Variants in MGST1 observed in about 807,000 individuals in gnomAD.
The protein encoded by MGST1 is glutathione S-transferase 12.
MGST1 carries 5 observed loss-of-function variants against 8.9 expected under a neutral mutation model. The ratio of observed to expected loss-of-function variants is 0.56; its 90% CI spans 0.29 to 1.19. The LOEUF (loss-of-function observed/expected upper bound fraction) is 1.19, where lower values mean the gene tolerates loss of function less well. Ranked by LOEUF, MGST1 falls within the 50% of genes most tolerant of loss-of-function variation. The pLI, the probability that MGST1 is intolerant of heterozygous loss-of-function variation, is 0.08. For missense variants in MGST1, 182 were observed against 187.4 expected (o/e 0.97, Z 0.17); for synonymous variants, 54 against 67.8 (o/e 0.80, Z 1.00).
intron 4 of MGST1, among the ~76,000 whole-genome samples, chr12:16,554,994 A>T (rs1231994154): frequency 6.6e-6 from 1 of 152,162 alleles, no homozygotes; most frequent in Non-Finnish European, 1.5e-5. Context: ...ACTTTCTTCT[A>T]ACTGTAATCT....
intron 4 of MGST1, among the ~76,000 whole-genome samples, chr12:16,506,142 A>T (rs1941536813): frequency 6.6e-6 from 1 of 152,154 alleles, no homozygotes; most frequent in Non-Finnish European, 1.5e-5. Context: ...TTATAGTTTC[A>T]TGGGTGTTGG....
chr12:16,479,676 G>A (rs1941352028), intron 4 of MGST1, among the ~76,000 whole-genome samples: 1 of 151,832 alleles, frequency 6.6e-6, no homozygotes, highest in South Asian at 2.1e-4. Context: ...TGGGACTACA[G>A]GTGCATGCCA....
At chr12:16,466,330 A>G (rs1279046220) in intron 4 of MGST1, among the ~76,000 whole-genome samples, 2 of 152,134 alleles carry the variant, frequency 1.3e-5, no homozygotes, top group Non-Finnish European at 2.9e-5. Flanking sequence ...CTCTCTCAGG[A>G]TTCTGAAATT....
At position 16,504,479 on chromosome 12, in the gene MGST1, C is replaced by G. The variant is rs1039046064; in HGVS notation, n.483-85049C>G. On this transcript the variant is annotated intron_variant and non_coding_transcript_variant, in intron 4 of 4. Transcript: ENST00000538857. Reference sequence around the variant, plus strand: ...TTTTCCTTTTCTAGCTTTCTCTTTCCTTTTAATTTGCTCTATGTTCTCATT... The same window carrying G: ...TTTTCCTTTTCTAGCTTTCTCTTTCGTTTTAATTTGCTCTATGTTCTCATT... Among the ~76,000 whole-genome samples the G allele has an allele frequency of 2.2e-4, 34 of 151,942 alleles. 1 individual carries two copies. Among genetic ancestry groups the G allele is most frequent in the South Asian group, 2.1e-4 (1 of 4,824 alleles).
downstream of MGST1, chr12:16,364,549 TTC>T (rs1020054060): frequency 2.8e-5 from 8 of 282,034 alleles, no homozygotes; most frequent in East Asian, 1.7e-4. The surrounding 1 kb of genome is among the most constrained non-coding windows in gnomAD (Gnocchi z 5.7). Context: ...TTTGCTTTCC[TTC>T]TCTCTCTGTT....
At chr12:16,470,613 T>G (rs1288861029) in intron 4 of MGST1, among the ~76,000 whole-genome samples, 1 of 152,176 alleles carries the variant, frequency 6.6e-6, no homozygotes, top group Non-Finnish European at 1.5e-5. Context: ...CTTGTACCAG[T>G]ATAGATATGA....
At chr12:16,446,565 T>G (rs1470296981) in intron 4 of MGST1, among the ~76,000 whole-genome samples, 3 of 152,078 alleles carry the variant, frequency 2.0e-5, no homozygotes, top group African/African-American at 7.2e-5. Context: ...CAGAAAGTTA[T>G]GCCTCCCTCC....
chr12:16,400,310 C>T, intron 1 of MGST1: 2 of 799,080 alleles, frequency 2.5e-6, no homozygotes, highest in Non-Finnish European at 4.5e-6. Context: ...TGGAATGAAG[C>T]ATGCTTAATA....
intron 4 of MGST1, among the ~76,000 whole-genome samples, chr12:16,476,504 C>A (rs1355170349): frequency 6.6e-6 from 1 of 152,126 alleles, no homozygotes; most frequent in African/African-American, 2.4e-5. Flanking sequence ...GCTGGATAAA[C>A]AAAGATGACC....
At position 16,513,891 on chromosome 12, in the gene MGST1, G is replaced by C. The variant is rs1941593876; in HGVS notation, n.483-75637G>C. On this transcript the variant is annotated intron_variant and non_coding_transcript_variant, in intron 4 of 4. Coordinates refer to the MGST1 transcript ENST00000538857. This position sits in a 1 kb window ranked among gnomAD's most constrained non-coding sequence, Gnocchi z 4.2. ...GGGGAAGTCGCACACCCATCTTCAG[G>C]GATACTGGCATGCAGCTACAAGGTT... The C allele has an allele frequency of 5.0e-6, 3 of 600,258 alleles. No individual in the cohort carries two copies. Among genetic ancestry groups the C allele is most frequent in the Non-Finnish European group, 9.6e-6 (3 of 310,910 alleles). 37.2% of individuals were successfully genotyped at this position (600,258 alleles called of 1,614,324 possible).
chr12:16,402,085 TTTCA>T (rs1940660602), intron 1 of MGST1: 1 of 1,545,924 alleles, frequency 6.5e-7, no homozygotes, highest in Non-Finnish European at 8.9e-7. Context: ...TTCTTACTAC[TTTCA>T]TTCTTTTCTC....
intron 4 of MGST1, among the ~76,000 whole-genome samples, chr12:16,511,327 C>CT (rs954519345): frequency 1.8e-4 from 27 of 152,294 alleles, no homozygotes; most frequent in Admixed American, 9.8e-4. Flanking sequence ...TGACTTTGGC[C>CT]TTTTTTACTA....
At chr12:16,551,213 G>A (rs752836962) in intron 4 of MGST1, 37 of 1,529,424 alleles carry the variant, frequency 2.4e-5, no homozygotes, top group Non-Finnish European at 3.2e-5. Flanking sequence ...ATGGGGTGAT[G>A]TTGATAGATC....
intron 4 of MGST1, among the ~76,000 whole-genome samples, chr12:16,453,366 G>A (rs1941145547): frequency 6.6e-6 from 1 of 151,852 alleles, no homozygotes; most frequent in Non-Finnish European, 1.5e-5. Context: ...TGGATTCCAT[G>A]TTTGATTGTT....
downstream of MGST1, among the ~76,000 whole-genome samples, chr12:16,380,852 G>A (rs560102377): frequency 1.3e-5 from 2 of 152,258 alleles, no homozygotes; most frequent in African/African-American, 4.8e-5. Flanking sequence ...ATATATTTAG[G>A]ATAGTTAGCT....
chr12:16,366,081 T>C (rs574829442), downstream of MGST1, among the ~76,000 whole-genome samples: 96 of 152,292 alleles, frequency 6.3e-4, no homozygotes, highest in African/African-American at 2.1e-3. The surrounding 1 kb of genome is among the most constrained non-coding windows in gnomAD (Gnocchi z 4.0). Flanking sequence ...ATTGTGGTTA[T>C]TGTAACAGTT....
rs1565484538 is a variant in MGST1, at chr12:16,560,872, T to C, written n.483-28656T>C. 3.6e-6 allele frequency: 1 copy of C among 274,398 alleles called. No individual in the cohort carries two copies. Among genetic ancestry groups the C allele is most frequent in the East Asian group, 9.0e-5 (1 of 11,076 alleles). 17.0% of individuals were successfully genotyped at this position (274,398 alleles called of 1,614,324 possible). A position where few individuals can be genotyped will look rare whatever the true frequency, so the allele number is the denominator to read the frequency against. On this transcript the variant is annotated intron_variant and non_coding_transcript_variant, in intron 4 of 4. Transcript: ENST00000538857. This position sits in a 1 kb window ranked among gnomAD's most constrained non-coding sequence, Gnocchi z 5.0. The stretch of plus-strand genomic sequence containing the variant: ...GTATATAGAAAATATAAAAGCAATA[T>C]AACTTTGCTCTTAATGTTATATATT...
chr12:16,391,463 A>C (rs1300104731), intron 1 of MGST1, among the ~76,000 whole-genome samples: 2 of 152,052 alleles, frequency 1.3e-5, no homozygotes, highest in Non-Finnish European at 2.9e-5. Context: ...GATGATTTCC[A>C]GCTTCACCCA....
Position 16,560,532 on chromosome 12 carries a change from A to G in MGST1, n.483-28996A>G. 6.2e-7 allele frequency: 1 copy of G among 1,607,852 alleles called. No homozygotes were observed. Among genetic ancestry groups the G allele is most frequent in the Middle Eastern group, 1.7e-4 (1 of 6,040 alleles). ...AGGCAGCGCAGTTTCCCGTTACACC[A>G]AAGAGCCTAGAATAAGAAACATTTT... On this transcript the variant is annotated intron_variant and non_coding_transcript_variant, in intron 4 of 4. Transcript: ENST00000538857. The surrounding 1 kb of genome is among the most constrained non-coding windows in gnomAD (Gnocchi z 5.0).
Sources: gnomAD v4.1 joint callset for allele counts (sites outside exome capture counted in the v4.1 genomes callset) on GRCh38, gnomAD v4.1.1 for gene constraint, Gnocchi (gnomAD v3.1) non-coding constraint, MANE v1.5 for transcripts, NCBI Gene and HGNC (gene_info 2026-07-23, HGNC 2026-07-21) for gene names.